CHRDL1: variants seen among roughly 807,000 people sequenced by gnomAD.
CHRDL1 encodes chordin-like protein 1.
Under a neutral mutation model 40.9 loss-of-function variants are expected in CHRDL1, and 19 were observed. The ratio of observed to expected loss-of-function variants is 0.46; its 90% CI spans 0.32 to 0.68. The LOEUF (loss-of-function observed/expected upper bound fraction) is 0.68, where lower values mean the gene tolerates loss of function less well. CHRDL1 is among the 30% of genes least tolerant of loss of function. CHRDL1 has a pLI of 0.03. For missense variants in CHRDL1, 329 were observed against 352.1 expected, an observed-to-expected ratio of 0.93 and a Z score of 0.53; for synonymous variants, 136 against 123.4, an observed-to-expected ratio of 1.10 and a Z score of -0.68.
chrX:110,715,226 G>A (rs774345415), intron 6 of CHRDL1, among the ~76,000 whole-genome samples: 69 of 111,438 alleles, frequency 6.2e-4, no homozygotes, highest in African/African-American at 2.2e-3. Context: ...AAATTGTAAC[G>A]ATAGAACAGT....
At chrX:110,721,727 A>ATCCATCCATCCG (rs1187797355) in intron 4 of CHRDL1, among the ~76,000 whole-genome samples, 197 bp from the exon 5 acceptor site, 2 of 111,853 alleles carry the variant, frequency 1.8e-5, no homozygotes, top group African/African-American at 6.5e-5. Flanking sequence ...CCATCCATCC[A>ATCCATCCATCCG]TCCATCCATC....
At chrX:110,762,562 A>G (rs2089584971) in intron 3 of CHRDL1, 133 bp downstream of exon 3, 1 of 436,631 alleles carries the variant, frequency 2.3e-6, no homozygotes, top group Admixed American at 4.5e-5. Context: ...TAGGCGTGAG[A>G]CAGTGCGATC....
chrX:110,733,264 C>A (rs1189803545), intron 4 of CHRDL1, among the ~76,000 whole-genome samples: 1 of 111,290 alleles, frequency 9.0e-6, no homozygotes. Flanking sequence ...CATGTACGGA[C>A]CCACACCACA....
At chrX:110,720,177 CA>C (rs1161445053) in intron 5 of CHRDL1, among the ~76,000 whole-genome samples, 1 of 111,360 alleles carries the variant, frequency 9.0e-6, no homozygotes, top group Non-Finnish European at 1.9e-5. Flanking sequence ...TAAGGTGGTA[CA>C]AAGTAGTCTG....
chrX:110,695,835 A>G (rs1157762914), intron 7 of CHRDL1, among the ~76,000 whole-genome samples: 1 of 112,240 alleles, frequency 8.9e-6, no homozygotes, highest in African/African-American at 3.3e-5. Context: ...ACAGGAGCTG[A>G]AGTAAGAGGA....
At chrX:110,732,073 T>C (rs197048) in intron 4 of CHRDL1, among the ~76,000 whole-genome samples, 8,527 of 109,038 alleles carry the variant, frequency 0.078, 889 homozygotes, top group African/African-American at 0.27. Context: ...GGAGCGGGCC[T>C]GAAAAAAATG....
At chrX:110,770,606 A>G (rs1019049752) in intron 2 of CHRDL1, among the ~76,000 whole-genome samples, 1 of 111,600 alleles carries the variant, frequency 9.0e-6, no homozygotes, top group African/African-American at 3.3e-5. Flanking sequence ...ATCTTTAGGA[A>G]GATCAATAAA....
chrX:110,676,153 A>G lies in CHRDL1; in HGVS notation c.*78T>C. Reference sequence around the variant, plus strand: ...AGTTTGGAGTTTTAGGGCACTGTTGACTTAAGCAAAATAAGCCTGCAGTCC... The same window carrying G: ...AGTTTGGAGTTTTAGGGCACTGTTGGCTTAAGCAAAATAAGCCTGCAGTCC... On this transcript the variant is annotated 3_prime_UTR_variant, in exon 12 of 12. Transcript: ENST00000372042. The G allele has an allele frequency of 9.5e-7, 1 of 1,048,474 alleles. No individual in the cohort carries two copies. The allele number at this position is 1,048,474 out of a possible 1,213,427, so 86.4% of individuals were successfully genotyped here. A position where few individuals can be genotyped will look rare whatever the true frequency, so the allele number is the denominator to read the frequency against.
rs753915390 is a variant in CHRDL1 at position 110,771,144 on chromosome X, C to CAAAA, written c.95-8341_95-8338dup. Among the ~76,000 whole-genome samples the CAAAA allele has an allele frequency of 2.9e-4, 19 of 65,550 alleles. 1 individual carries two copies. Among genetic ancestry groups the CAAAA allele is most frequent in the African/African-American group, 1.0e-3 (19 of 18,488 alleles). 56.9% of individuals were successfully genotyped at this position (65,550 alleles called of 115,157 possible). On this transcript the variant is annotated intron_variant, in intron 2 of 11. Coordinates refer to ENST00000372042, the MANE Select transcript of CHRDL1 (RefSeq NM_001143981.2). Reference sequence around the variant, plus strand: ...TGGGTAACAGAGCAAGACTCTGTCTCAAAAAAAAAAAAAAAAGATATCTAA... The same window carrying CAAAA: ...TGGGTAACAGAGCAAGACTCTGTCTCAAAAAAAAAAAAAAAAAAAAGATATCTAA...
intron 4 of CHRDL1, among the ~76,000 whole-genome samples, chrX:110,724,354 G>A (rs2071018594): frequency 9.0e-6 from 1 of 111,672 alleles, no homozygotes; most frequent in Admixed American, 9.5e-5. Flanking sequence ...ATAGTCTTCT[G>A]AGTAACCTGG....
intron 4 of CHRDL1, among the ~76,000 whole-genome samples, chrX:110,726,889 T>G (rs1298071092): frequency 1.8e-5 from 2 of 112,188 alleles, no homozygotes; most frequent in Non-Finnish European, 3.8e-5. Flanking sequence ...TTCTTATTCA[T>G]TCAACAAGCA....
chrX:110,747,841 A>G (rs1219480107), intron 4 of CHRDL1, among the ~76,000 whole-genome samples: 1 of 112,277 alleles, frequency 8.9e-6, no homozygotes, highest in Non-Finnish European at 1.9e-5. Flanking sequence ...GCACATCCAT[A>G]ATCAATATAG....
chrX:110,721,401 G>A lies in CHRDL1; in HGVS notation c.431C>T (p.Thr144Ile), dbSNP rs1391100888. 1 of 1,210,907 alleles carries A rather than the reference G, an allele frequency of 8.3e-7. No homozygotes were observed. Among genetic ancestry groups the A allele is most frequent in the Non-Finnish European group, 1.1e-6 (1 of 894,510 alleles). Reference sequence around the variant, plus strand: ...GGGTCTTACCGAACAGCTGCACTGGGTGCATTGATTGGGTTGCCGATTCTG... The same window carrying A: ...GGGTCTTACCGAACAGCTGCACTGGATGCATTGATTGGGTTGCCGATTCTG... The part of the protein sequence containing the change: ...LFQNRQPNQC[T>I]QCSCSEGNVY... The change falls in exon 5 of 12, where the codon ACC becomes ATC. Residue 144 changes from threonine to isoleucine, a missense_variant. Transcript: ENST00000372042.
At chrX:110,713,856 C>T (rs2148457169) in intron 6 of CHRDL1, among the ~76,000 whole-genome samples, 1 of 111,464 alleles carries the variant, frequency 9.0e-6, no homozygotes, top group Non-Finnish European at 1.9e-5. Flanking sequence ...GCTTTCAATA[C>T]AGTTAATACC....
intron 4 of CHRDL1, among the ~76,000 whole-genome samples, chrX:110,725,181 G>A (rs2071032890): frequency 8.9e-6 from 1 of 111,864 alleles, no homozygotes; most frequent in African/African-American, 3.3e-5. Flanking sequence ...AGATGTGTTG[G>A]GAAAGAGGAG....
intron 2 of CHRDL1, among the ~76,000 whole-genome samples, chrX:110,766,463 A>G (rs1169571864): frequency 8.9e-6 from 1 of 112,052 alleles, no homozygotes; most frequent in Non-Finnish European, 1.9e-5. Flanking sequence ...AAGATTAACC[A>G]AGAAAAGAGA....
chrX:110,712,703 T>TA (rs766401411), intron 6 of CHRDL1, among the ~76,000 whole-genome samples: 389 of 95,497 alleles, frequency 4.1e-3, no homozygotes, highest in Middle Eastern at 0.01. Context: ...ACCATGTCTC[T>TA]AAAAAAAAAA....
chrX:110,723,715 T>C (rs2071006229), intron 4 of CHRDL1, among the ~76,000 whole-genome samples: 1 of 112,260 alleles, frequency 8.9e-6, no homozygotes, highest in African/African-American at 3.2e-5. Context: ...GTCCCTAATG[T>C]TGTGGCCTAA....
chrX:110,746,468 G>T (rs1010948945), intron 4 of CHRDL1, among the ~76,000 whole-genome samples: 1 of 111,688 alleles, frequency 9.0e-6, no homozygotes, highest in Non-Finnish European at 1.9e-5. Flanking sequence ...ACTACCTTAT[G>T]TTTCTGTTAA....
Sources: gnomAD v4.1 joint callset for allele counts (sites outside exome capture counted in the v4.1 genomes callset) on GRCh38, gnomAD v4.1.1 for gene constraint, MANE v1.5 for transcripts, NCBI Gene and HGNC (gene_info 2026-07-23, HGNC 2026-07-21) for gene names.